PCDHGA4: variants seen among roughly 807,000 people sequenced by gnomAD.
The protein encoded by PCDHGA4 is protocadherin gamma-A4.
Under a neutral mutation model 54.6 loss-of-function variants are expected in PCDHGA4, and 38 were observed. The observed-to-expected ratio is 0.70, with a 90% CI of 0.54 to 0.91. The LOEUF is 0.91. Among genes scored for constraint, PCDHGA4 ranks in the 40% least tolerant of loss-of-function variants. The pLI is 0.00. For synonymous variants in PCDHGA4, 511 were observed against 512.9 expected, an observed-to-expected ratio of 1.00 and a Z score of 0.05; for missense variants, 1,298 against 1,220.9, an observed-to-expected ratio of 1.06 and a Z score of -0.94.
At position 141,486,694 on chromosome 5, in the gene PCDHGA4, C is replaced by T. The variant is rs1275794121; in HGVS notation, c.2515-8113C>T. ...ATCGAGATGTATCAGCTTCCTCTTTCATCTCTCTGAACCCCCAGACAGGAG... is the reference window on the plus strand; with the variant it reads ...ATCGAGATGTATCAGCTTCCTCTTTTATCTCTCTGAACCCCCAGACAGGAG... On this transcript the variant is annotated intron_variant, in intron 1 of 3. Transcript: ENST00000571252. This position sits in a 1 kb window ranked among gnomAD's most constrained non-coding sequence, Gnocchi z 5.0. 1.2e-6 allele frequency: 2 copies of T among 1,614,168 alleles called. No individual in the cohort carries two copies. Among genetic ancestry groups the T allele is most frequent in the Non-Finnish European group, 1.7e-6 (2 of 1,180,044 alleles).
intron 1 of PCDHGA4, chr5:141,404,766 C>T (rs1489047184): frequency 6.2e-7 from 1 of 1,613,940 alleles, no homozygotes; most frequent in East Asian, 2.2e-5. Flanking sequence ...GCTTGGCTCT[C>T]CTACCGCCTA....
Position 141,394,604 on chromosome 5 carries a change from C to T in PCDHGA4, c.2514+36983C>T, listed in dbSNP as rs1589234871. On this transcript the variant is annotated intron_variant, in intron 1 of 3. Transcript: ENST00000571252. ...CCAAGGTGGTGGCGGTGGACAGAGA[C>T]TCGGGCCAGAACGCCTGGCTGTCCT... is the stretch of plus-strand genomic sequence containing the variant. 10 of 1,613,590 alleles carry T rather than the reference C, an allele frequency of 6.2e-6. No homozygotes were observed. The East Asian group carries it at 2.0e-4, about 32-fold the overall frequency.
intron 1 of PCDHGA4, chr5:141,407,996 TGG>T: frequency 1.1e-6 from 1 of 872,310 alleles, no homozygotes; most frequent in South Asian, 2.0e-5. Flanking sequence ...GCCTCTGGCC[TGG>T]GATTCCCTGC....
rs138408376 is a variant in PCDHGA4 at position 141,421,859 on chromosome 5, T to C, written c.2514+64238T>C. The stretch of plus-strand genomic sequence containing the variant: ...CGAGAGAAAGAGGCTGCTCACCTGC[T>C]CCTCCTCACAGCTTTAGATGGAGGC... On this transcript the variant is annotated intron_variant, in intron 1 of 3. Coordinates refer to ENST00000571252, the MANE Select transcript of PCDHGA4 (RefSeq NM_018917.4). The C allele has an allele frequency of 1.7e-3, 2,741 of 1,613,710 alleles. 8 individuals carry two copies. Among genetic ancestry groups the C allele is most frequent in the Middle Eastern group, 8.1e-3 (49 of 6,062 alleles).
At chr5:141,447,313 T>C (rs2098534296) in intron 1 of PCDHGA4, among the ~76,000 whole-genome samples, 1 of 152,146 alleles carries the variant, frequency 6.6e-6, no homozygotes, top group African/African-American at 2.4e-5. Context: ...CTAATTTTTG[T>C]ATTTTTAGTA....
At chr5:141,478,452 C>T (rs763187393) in intron 1 of PCDHGA4, 1 of 1,613,598 alleles carries the variant, frequency 6.2e-7, no homozygotes, top group Admixed American at 1.7e-5. Context: ...CCTGGTGCAG[C>T]CAGTCCACTG....
chr5:141,460,128 T>C (rs10051366), intron 1 of PCDHGA4, among the ~76,000 whole-genome samples: 42,386 of 151,808 alleles, frequency 0.28, 6,635 homozygotes, highest in African/African-American at 0.43. Context: ...ATATGTAATA[T>C]ATATATTCTT....
Position 141,356,982 on chromosome 5 carries a change from G to A in PCDHGA4, c.1875G>A (p.Val625=). The A allele has an allele frequency of 3.7e-6, 6 of 1,614,238 alleles. No individual in the cohort carries two copies. The highest frequency in any genetic ancestry group is 5.1e-6 in the Non-Finnish European group (6 of 1,180,040). ...ACCTGGTGACCAAAGTGGTGGCAGT[G>A]GACAGAGACTCAGGTCAGAATGCCT... ...SGYLVTKVVA[V]DRDSGQNAWL... Residue 625 remains valine, a synonymous_variant, in exon 1 of 4, where the codon GTG becomes GTA. Coordinates refer to ENST00000571252, the MANE Select transcript of PCDHGA4 (RefSeq NM_018917.4).
At chr5:141,382,824 A>T in intron 1 of PCDHGA4, 4 of 1,326,118 alleles carry the variant, frequency 3.0e-6, no homozygotes, top group Non-Finnish European at 4.1e-6. Context: ...CCTAAGACAG[A>T]GGGGTCCACC....
At chr5:141,404,126 T>G in intron 1 of PCDHGA4, 1 of 1,613,316 alleles carries the variant, frequency 6.2e-7, no homozygotes, top group Non-Finnish European at 8.5e-7. Context: ...GAATCTATCT[T>G]TTACATTAGA....
chr5:141,454,740 G>GAGGCC (rs2098797560), intron 1 of PCDHGA4, among the ~76,000 whole-genome samples: 1 of 147,160 alleles, frequency 6.8e-6, no homozygotes, highest in Non-Finnish European at 1.5e-5. Flanking sequence ...AGGATGAAAA[G>GAGGCC]AGGCCAAACT....
At chr5:141,421,603 G>T (rs1207844782) in intron 1 of PCDHGA4, 4 of 1,613,758 alleles carry the variant, frequency 2.5e-6, no homozygotes, top group Non-Finnish European at 3.4e-6. Context: ...GGAAATAATA[G>T]ATATTAATGA....
intron 1 of PCDHGA4, among the ~76,000 whole-genome samples, chr5:141,452,542 C>T (rs2098743637): frequency 6.6e-6 from 1 of 152,180 alleles, no homozygotes; most frequent in Admixed American, 6.6e-5. Flanking sequence ...CATATTGATA[C>T]CTCCAGTTCT....
chr5:141,511,486 TC>T lies in PCDHGA4; in HGVS notation c.*315del. The T allele has an allele frequency of 2.2e-6, 1 of 449,906 alleles. No homozygotes were observed. 27.9% of individuals were successfully genotyped at this position (449,906 alleles called of 1,614,324 possible). A position where few individuals can be genotyped will look rare whatever the true frequency, so the allele number is the denominator to read the frequency against. On this transcript the variant is annotated 3_prime_UTR_variant, in exon 4 of 4. Transcript: ENST00000571252. ...CCCCGTTTAGTTACAGCTGAACTCC[TC>T]CATCTTCCAAATCAATCAGGCCCAT...
intron 2 of PCDHGA4, among the ~76,000 whole-genome samples, chr5:141,497,809 G>A (rs1256990692): frequency 1.3e-5 from 2 of 152,190 alleles, no homozygotes. Context: ...CAAAGTGCTA[G>A]AATTACAGGT....
chr5:141,374,348 A>G (rs756876853), intron 1 of PCDHGA4: 4 of 1,614,028 alleles, frequency 2.5e-6, no homozygotes, highest in Middle Eastern at 1.6e-4. Context: ...CACCGCGGGT[A>G]GGATAGACCG....
At chr5:141,375,110 A>C in intron 1 of PCDHGA4, 1 of 1,613,972 alleles carries the variant, frequency 6.2e-7, no homozygotes, top group Non-Finnish European at 8.5e-7. Flanking sequence ...TGTCAATGAT[A>C]ATGTACCAGA....
intron 1 of PCDHGA4, among the ~76,000 whole-genome samples, chr5:141,436,290 T>C (rs2097808305): frequency 6.6e-6 from 1 of 152,164 alleles, no homozygotes; most frequent in Non-Finnish European, 1.5e-5. Flanking sequence ...GAACAAATCA[T>C]TGAGAGTTAG....
At chr5:141,414,502 A>G in intron 1 of PCDHGA4, 1 of 1,613,944 alleles carries the variant, frequency 6.2e-7, no homozygotes, top group South Asian at 1.1e-5. Flanking sequence ...AGCTCACTTT[A>G]TGCTACAAGT....
Sources: allele counts gnomAD v4.1 joint callset (sites outside exome capture counted in the v4.1 genomes callset), GRCh38; gene constraint gnomAD v4.1.1; non-coding constraint Gnocchi (gnomAD v3.1); transcripts MANE v1.5; gene names NCBI Gene and HGNC (gene_info 2026-07-23, HGNC 2026-07-21).